The following RPTOR variants were observed in gnomAD, a reference collection of about 807,000 sequenced individuals.
The protein encoded by RPTOR is regulatory associated protein of MTOR complex 1.
Under a neutral mutation model 169.9 loss-of-function variants are expected in RPTOR, and 21 were observed. The observed-to-expected ratio is 0.12, with a 90% CI of 0.09 to 0.18. The LOEUF (loss-of-function observed/expected upper bound fraction) is 0.18. Among genes scored for constraint, RPTOR ranks in the 10% least tolerant of loss-of-function variants. RPTOR has a pLI of 1.00. For missense variants in RPTOR, 1,133 were observed against 1,855.9 expected, an observed-to-expected ratio of 0.61 and a Z score of 7.16; for synonymous variants, 732 against 753.2, an observed-to-expected ratio of 0.97 and a Z score of 0.46.
chr17:80,830,703 C>T (rs7221095), intron 9 of RPTOR, among the ~76,000 whole-genome samples: 1,589 of 151,854 alleles, frequency 0.01, 26 homozygotes, highest in African/African-American at 0.036. Flanking sequence ...AGGTGCACTG[C>T]TCCTCAGGAA....
chr17:80,857,622 A>C (rs2067868320), intron 12 of RPTOR, among the ~76,000 whole-genome samples, 168 bp from the exon 13 acceptor site: 1 of 152,224 alleles, frequency 6.6e-6, no homozygotes, highest in African/African-American at 2.4e-5. Context: ...ATCAGAGATG[A>C]ATAAATCTGG....
At chr17:80,686,914 G>A (rs1429617578) in intron 3 of RPTOR, among the ~76,000 whole-genome samples, 4 of 152,180 alleles carry the variant, frequency 2.6e-5, no homozygotes, top group Non-Finnish European at 5.9e-5. Context: ...CAGATGCCAT[G>A]CGAGTTAAAA....
rs185774431 is a variant in RPTOR at position 80,908,460 on chromosome 17, G to A, written c.2402-351G>A. Among the ~76,000 whole-genome samples, 1,118 of 152,272 alleles carry A rather than the reference G, an allele frequency of 7.3e-3. 21 individuals are homozygous for A. The highest frequency in any genetic ancestry group is 0.026 in the African/African-American group (1,064 of 41,542). ...ACATGCACCACTACCCATGGGCTGC[G>A]GCAGCTCCTAGAAATCTAGGATGTG... On this transcript the variant is annotated intron_variant, in intron 20 of 33. Transcript: ENST00000306801.
chr17:80,620,502 C>T (rs528700875), intron 1 of RPTOR, among the ~76,000 whole-genome samples: 35 of 152,334 alleles, frequency 2.3e-4, no homozygotes, highest in Middle Eastern at 3.4e-3. Flanking sequence ...TGGTGGCTCA[C>T]ACCTATAATC....
chr17:80,583,007 C>T (rs2065028270), intron 1 of RPTOR, among the ~76,000 whole-genome samples: 3 of 150,990 alleles, frequency 2.0e-5, no homozygotes, highest in East Asian at 1.9e-4. Flanking sequence ...CTTTCACCTC[C>T]CAGGTTCAAG....
chr17:80,920,038 C>T (rs555083502), intron 21 of RPTOR, among the ~76,000 whole-genome samples: 4 of 152,344 alleles, frequency 2.6e-5, no homozygotes, highest in South Asian at 2.1e-4. Flanking sequence ...CTGCCATTGC[C>T]GTGCCCTCTC....
intron 7 of RPTOR, among the ~76,000 whole-genome samples, 171 bp downstream of exon 7, chr17:80,791,680 G>C (rs1053009460): frequency 1.3e-5 from 2 of 151,948 alleles, no homozygotes; most frequent in African/African-American, 4.8e-5. Flanking sequence ...GTCACACTGG[G>C]GCTTAGTGCA....
At chr17:80,744,269 A>T (rs376451605) in intron 5 of RPTOR, among the ~76,000 whole-genome samples, 2 of 64,166 alleles carry the variant, frequency 3.1e-5, no homozygotes, top group Admixed American at 3.2e-4. Flanking sequence ...CTACTAGCAC[A>T]GCCCTGGTTA....
In RPTOR at chr17:80,860,252, G is replaced by A. The variant is rs1335282889; in HGVS notation, c.1509+2352G>A. Among the ~76,000 whole-genome samples the A allele has an allele frequency of 6.6e-6, 1 of 152,250 alleles. No individual in the cohort carries two copies. Among genetic ancestry groups the A allele is most frequent in the Non-Finnish European group, 1.5e-5 (1 of 68,036 alleles). On this transcript the variant is annotated intron_variant, in intron 13 of 33. Coordinates refer to ENST00000306801, the MANE Select transcript of RPTOR (RefSeq NM_020761.3). This position sits in a 1 kb window ranked among gnomAD's most constrained non-coding sequence, Gnocchi z 5.8. ...GCCACCAGGACCTGCTGTGCTCGCT[G>A]AAGCTGCCCTGTTGGGCTTTGTTCA... is the stretch of plus-strand genomic sequence containing the variant.
At chr17:80,784,092 T>G (rs2066967569) in intron 6 of RPTOR, among the ~76,000 whole-genome samples, 1 of 152,134 alleles carries the variant, frequency 6.6e-6, no homozygotes, top group African/African-American at 2.4e-5. Flanking sequence ...TCCTCCTGCC[T>G]CAGCCTCCCG....
intron 5 of RPTOR, chr17:80,743,402 G>GT: frequency 1.0e-6 from 1 of 985,516 alleles, no homozygotes. Flanking sequence ...GCCGTAGAAC[G>GT]TAAGAAGTTG....
At chr17:80,759,332 T>C (rs912431744) in intron 6 of RPTOR, among the ~76,000 whole-genome samples, 4 of 152,152 alleles carry the variant, frequency 2.6e-5, no homozygotes, top group East Asian at 1.9e-4. Context: ...GCCCCTGAAA[T>C]CCTTGTAGGA....
At chr17:80,846,078 C>A (rs1441405200) in intron 10 of RPTOR, among the ~76,000 whole-genome samples, 1 of 152,244 alleles carries the variant, frequency 6.6e-6, no homozygotes, top group African/African-American at 2.4e-5. Flanking sequence ...AAGCGTGTCC[C>A]CAGCCAGACT....
At chr17:80,879,085 G>A (rs544183713) in intron 13 of RPTOR, among the ~76,000 whole-genome samples, 11 of 152,220 alleles carry the variant, frequency 7.2e-5, no homozygotes, top group Admixed American at 6.5e-5. Flanking sequence ...TCGGCTGTGC[G>A]CGCCCCGGAG....
chr17:80,893,792 G>A lies in RPTOR; in HGVS notation c.2328G>A (p.Glu776=), dbSNP rs906157707. The A allele has an allele frequency of 6.3e-7, 1 of 1,585,634 alleles. No individual in the cohort carries two copies. The highest frequency in any genetic ancestry group is 1.8e-5 in the Admixed American group (1 of 55,446). ...SSTLGSPENE[E]HILSFETIDK... ...CCCTGGGCAGCCCCGAGAATGAGGA[G>A]CATATCCTGTCCTTCGAGACCATCG... is the stretch of plus-strand genomic sequence containing the variant. Residue 776 remains glutamate, a synonymous_variant, in exon 20 of 34, where the codon GAG becomes GAA. Coordinates refer to ENST00000306801, the MANE Select transcript of RPTOR (RefSeq NM_020761.3).
intron 1 of RPTOR, among the ~76,000 whole-genome samples, chr17:80,551,636 G>A (rs898676167): frequency 6.6e-6 from 1 of 152,150 alleles, no homozygotes; most frequent in African/African-American, 2.4e-5. Context: ...ACGTACAATC[G>A]GGTTTTATAC....
chr17:80,644,745 A>G (rs896140651), intron 3 of RPTOR, among the ~76,000 whole-genome samples: 1 of 152,170 alleles, frequency 6.6e-6, no homozygotes, highest in Non-Finnish European at 1.5e-5. Flanking sequence ...CTTATACATT[A>G]TTTACATTCT....
rs2066663333 is a variant in RPTOR, at chr17:80,754,757, T to G, written c.830+572T>G. Among the ~76,000 whole-genome samples, 1 of 152,196 alleles carries G rather than the reference T, an allele frequency of 6.6e-6. No homozygotes were observed. Among genetic ancestry groups the G allele is most frequent in the African/African-American group, 2.4e-5 (1 of 41,444 alleles). On this transcript the variant is annotated intron_variant, in intron 6 of 33. Transcript: ENST00000306801. The surrounding 1 kb of genome is among the most constrained non-coding windows in gnomAD (Gnocchi z 4.2). The stretch of plus-strand genomic sequence containing the variant: ...CAGTGGGATATGTGTGTTTCCTGCC[T>G]CCAAATCCAATATTCTCCCCTAGAC...
intron 7 of RPTOR, among the ~76,000 whole-genome samples, chr17:80,821,363 G>A (rs2067376371): frequency 6.6e-6 from 1 of 152,232 alleles, no homozygotes; most frequent in South Asian, 2.1e-4. Context: ...TTCCTGCAGT[G>A]GGAATTGCTG....
Sources: allele counts gnomAD v4.1 joint callset (sites outside exome capture counted in the v4.1 genomes callset), GRCh38; gene constraint gnomAD v4.1.1; non-coding constraint Gnocchi (gnomAD v3.1); transcripts MANE v1.5; gene names NCBI Gene and HGNC (gene_info 2026-07-23, HGNC 2026-07-21).